The following DDX60L variants were observed in gnomAD, a reference collection of about 807,000 sequenced individuals.
DDX60L encodes the protein DExD/H-box 60 like, also known as probable ATP-dependent RNA helicase DDX60-like.
A neutral mutation model predicts 211.6 loss-of-function variants in DDX60L; 191 were observed. That is an observed-to-expected ratio of 0.90 (90% confidence interval 0.80 to 1.02). DDX60L has a LOEUF of 1.02. DDX60L is among the 50% of genes least tolerant of loss of function. The pLI, the probability that DDX60L is intolerant of heterozygous loss-of-function variation, is 0.00. For synonymous variants in DDX60L, 706 were observed against 694.1 expected (o/e 1.02, Z -0.27); for missense variants, 2,007 against 1,984.1 (o/e 1.01, Z -0.22).
Position 168,472,725 on chromosome 4 carries a change from T to C in DDX60L, c.-26A>G, listed in dbSNP as rs371264497. The C allele has an allele frequency of 3.7e-6, 6 of 1,611,450 alleles. No individual in the cohort carries two copies. Among genetic ancestry groups the C allele is most frequent in the Non-Finnish European group, 5.1e-6 (6 of 1,179,050 alleles). The stretch of plus-strand genomic sequence containing the variant: ...CGTTGCTGCTTCTTGGGCTACAGGG[T>C]AGAAGAGTAGAGCTGGAATTTATTA... On this transcript the variant is annotated 5_prime_UTR_variant, in exon 2 of 38. Transcript: ENST00000682922.
intron 29 of DDX60L, among the ~76,000 whole-genome samples, chr4:168,388,500 T>C (rs1579312234): frequency 6.6e-6 from 1 of 152,378 alleles, no homozygotes; most frequent in Non-Finnish European, 1.5e-5. Flanking sequence ...GCACTTACTA[T>C]GTGCTGTGCA....
At chr4:168,413,925 C>A (rs1749094787) in intron 22 of DDX60L, among the ~76,000 whole-genome samples, 1 of 152,032 alleles carries the variant, frequency 6.6e-6, no homozygotes, top group Non-Finnish European at 1.5e-5. Context: ...AAGACTATCT[C>A]AAGACATTTA....
At chr4:168,430,709 T>TATA in intron 12 of DDX60L, 71 bp from the exon 13 acceptor site, 1 of 1,169,732 alleles carries the variant, frequency 8.5e-7, no homozygotes, top group Non-Finnish European at 1.1e-6. Context: ...TACCCACACA[T>TATA]TATTTTTTTA....
rs759183023 is a variant in DDX60L, at chr4:168,406,673, G to C, written c.3013C>G (p.Leu1005Val). 2.5e-6 allele frequency: 4 copies of C among 1,605,614 alleles called. No individual in the cohort carries two copies. The East Asian group carries it at 6.7e-5, about 27-fold the overall frequency. Residue 1005 changes from leucine to valine, a missense_variant, in exon 23 of 38, where the codon CTC (leucine) becomes GTC (valine). By Grantham distance (32) the Leu-to-Val change is conservative (BLOSUM62 1). Coordinates refer to ENST00000682922, the MANE Select transcript of DDX60L (RefSeq NM_001012967.3). ...EKYGFPPDLT[L>V]TPQESIQLYD... ...AGCTGGATGCTTTCTTGAGGGGTGAGGGTAAGATCAGGTGGGAATCCATAC... is the reference window on the plus strand; with the variant it reads ...AGCTGGATGCTTTCTTGAGGGGTGACGGTAAGATCAGGTGGGAATCCATAC...
chr4:168,387,281 T>C (rs983248361), intron 29 of DDX60L, among the ~76,000 whole-genome samples: 2 of 152,210 alleles, frequency 1.3e-5, no homozygotes, highest in East Asian at 1.9e-4. Context: ...CAAGATAAAC[T>C]GTGGTTGGAA....
chr4:168,417,723 A>G (rs866064705), intron 19 of DDX60L, among the ~76,000 whole-genome samples: 1 of 152,222 alleles, frequency 6.6e-6, no homozygotes, highest in Admixed American at 6.5e-5. Flanking sequence ...TAGGTACTCA[A>G]TTAATATCTG....
At chr4:168,462,106 T>C in intron 4 of DDX60L, 66 bp from the exon 5 acceptor site, 1 of 1,239,906 alleles carries the variant, frequency 8.1e-7, no homozygotes, top group Non-Finnish European at 1.1e-6. Context: ...GTTAATTTTG[T>C]TGCTTACAGC....
At chr4:168,362,653 C>T (rs1158088462) in intron 36 of DDX60L, among the ~76,000 whole-genome samples, 2 of 152,070 alleles carry the variant, frequency 1.3e-5, no homozygotes, top group South Asian at 2.1e-4. Context: ...CCAAAAAAAT[C>T]GTGGAGCTAA....
chr4:168,426,951 C>T, intron 14 of DDX60L, 119 bp downstream of exon 14: 2 of 1,154,462 alleles, frequency 1.7e-6, no homozygotes, highest in Non-Finnish European at 2.4e-6. Flanking sequence ...GTCATGTTGA[C>T]AATAAAATCA....
At chr4:168,431,570 G>T (rs1752353547) in intron 12 of DDX60L, among the ~76,000 whole-genome samples, 1 of 119,482 alleles carries the variant, frequency 8.4e-6, no homozygotes, top group Admixed American at 1.1e-4. Flanking sequence ...GGGGTGGGGG[G>T]AGGGATAGCA....
chr4:168,399,776 A>C (rs1746466899), intron 26 of DDX60L, among the ~76,000 whole-genome samples: 1 of 152,148 alleles, frequency 6.6e-6, no homozygotes. Flanking sequence ...TTGGGGAGAA[A>C]GGAAAAAAAA....
chr4:168,443,314 G>A (rs1039609792), intron 9 of DDX60L, among the ~76,000 whole-genome samples: 8 of 151,876 alleles, frequency 5.3e-5, no homozygotes, highest in Non-Finnish European at 1.2e-4. Flanking sequence ...AAGCGAGAAG[G>A]GAAGTTTAGA....
In DDX60L at chr4:168,384,740, T is replaced by G; in HGVS notation, c.3988A>C (p.Lys1330Gln). 6.2e-7 allele frequency: 1 copy of G among 1,613,784 alleles called. No homozygotes were observed. The highest frequency in any genetic ancestry group is 2.2e-5 in the East Asian group (1 of 44,860). The change falls in exon 30 of 38, where the codon AAA becomes CAA. Residue 1330 changes from lysine (K) to glutamine (Q), a missense_variant. Physicochemically the swap from Lys to Gln is moderately conservative, Grantham distance 53 (BLOSUM62 1). Transcript: ENST00000682922. ...NVYFFDIPLP[K>Q]IKRLLASSVP... ...CTGGATGCAAGGAGTCTTTTTATTT[T>G]GGGCAATGGGATATCAAAGAAATAC...
chr4:168,397,179 G>A (rs4692930), intron 26 of DDX60L, among the ~76,000 whole-genome samples: 132,861 of 152,194 alleles, frequency 0.87, 60,378 homozygotes, highest in Non-Finnish European at 0.99. Context: ...TGAGAAATAA[G>A]TTTCTGTTTA....
intron 29 of DDX60L, among the ~76,000 whole-genome samples, chr4:168,390,931 A>T (rs147315082): frequency 5.3e-5 from 8 of 152,038 alleles, no homozygotes; most frequent in African/African-American, 1.9e-4. Context: ...AACATTTCTC[A>T]CTCCAGAAAT....
intron 4 of DDX60L, chr4:168,470,844 A>G: frequency 7.2e-6 from 2 of 279,346 alleles, no homozygotes; most frequent in South Asian, 3.1e-5. Context: ...CCATCTAAAA[A>G]AAAAAAAAGA....
At chr4:168,478,278 T>G (rs1029175105) in intron 1 of DDX60L, among the ~76,000 whole-genome samples, 4 of 145,696 alleles carry the variant, frequency 2.7e-5, no homozygotes, top group African/African-American at 1.0e-4. Context: ...CTGCAAGTAT[T>G]AGGTGGAGGT....
chr4:168,405,796 C>T (rs1747646305), intron 24 of DDX60L, among the ~76,000 whole-genome samples, 154 bp downstream of exon 24: 1 of 152,116 alleles, frequency 6.6e-6, no homozygotes, highest in Non-Finnish European at 1.5e-5. Context: ...CTCCTTTATT[C>T]TATCTCATAC....
chr4:168,373,973 T>A (rs1422553720), intron 34 of DDX60L, among the ~76,000 whole-genome samples, 165 bp from the exon 35 acceptor site: 1 of 152,182 alleles, frequency 6.6e-6, no homozygotes, highest in African/African-American at 2.4e-5. Flanking sequence ...TGGCACAGAG[T>A]AATCATTCAA....
Sources: allele counts gnomAD v4.1 joint callset (sites outside exome capture counted in the v4.1 genomes callset), GRCh38; gene constraint gnomAD v4.1.1; transcripts MANE v1.5; gene names NCBI Gene and HGNC (gene_info 2026-07-23, HGNC 2026-07-21).